Variants in ANKRD6 observed in about 807,000 individuals in gnomAD.
The protein encoded by ANKRD6 is ankyrin repeat domain 6.
ANKRD6 carries 56 observed loss-of-function variants against 82.3 expected under a neutral mutation model. The ratio of observed to expected loss-of-function variants is 0.68; its 90% CI spans 0.55 to 0.85. The LOEUF is 0.85. Among genes scored for constraint, ANKRD6 ranks in the 40% least tolerant of loss-of-function variants. The pLI is 0.00. For synonymous variants in ANKRD6, 347 were observed against 352.1 expected, an observed-to-expected ratio of 0.99 and a Z score of 0.16; for missense variants, 852 against 907.6, an observed-to-expected ratio of 0.94 and a Z score of 0.79.
At chr6:89,492,451 G>A (rs1341760307) in intron 1 of ANKRD6, among the ~76,000 whole-genome samples, 1 of 152,186 alleles carries the variant, frequency 6.6e-6, no homozygotes, top group Non-Finnish European at 1.5e-5. Flanking sequence ...CCAGGTGGCT[G>A]TACTTGTGTG....
intron 9 of ANKRD6, 40 bp from the exon 10 acceptor site, chr6:89,621,882 G>C: frequency 6.3e-7 from 1 of 1,579,362 alleles, no homozygotes. Context: ...CAGATGCTGC[G>C]CACACCAGTG....
chr6:89,557,565 A>T (rs948308662), intron 1 of ANKRD6, among the ~76,000 whole-genome samples: 1 of 152,172 alleles, frequency 6.6e-6, no homozygotes, highest in Non-Finnish European at 1.5e-5. Flanking sequence ...CAATTACGTC[A>T]ATGTAAAACC....
chr6:89,617,892 TG>T, intron 8 of ANKRD6, 61 bp from the exon 9 acceptor site: 1 of 1,518,364 alleles, frequency 6.6e-7, no homozygotes, highest in Non-Finnish European at 9.1e-7. Context: ...CTGTGCCAGC[TG>T]GGCTATGTGC....
intron 1 of ANKRD6, among the ~76,000 whole-genome samples, chr6:89,561,957 C>T (rs568120581): frequency 5.9e-5 from 9 of 152,242 alleles, no homozygotes; most frequent in East Asian, 1.9e-4. Flanking sequence ...TGCTTTAGGA[C>T]GGCAGGTGGT....
intron 2 of ANKRD6, among the ~76,000 whole-genome samples, chr6:89,571,090 C>T (rs573384687): frequency 4.6e-5 from 7 of 152,140 alleles, no homozygotes; most frequent in African/African-American, 9.7e-5. Flanking sequence ...CTCGCTCTGT[C>T]GCCCAGGCTG....
intron 9 of ANKRD6, 88 bp downstream of exon 9, chr6:89,618,119 C>A: frequency 7.2e-7 from 1 of 1,385,962 alleles, no homozygotes; most frequent in Non-Finnish European, 1.0e-6. Context: ...GAAGCCTCTT[C>A]AAACTAACTT....
intron 1 of ANKRD6, among the ~76,000 whole-genome samples, chr6:89,454,230 G>T (rs1418079423): frequency 6.6e-6 from 1 of 152,088 alleles, no homozygotes; most frequent in Non-Finnish European, 1.5e-5. Flanking sequence ...TAGAGTCTTC[G>T]CATGGTGGTG....
chr6:89,561,328 T>G (rs1787381778), intron 1 of ANKRD6: 1 of 152,216 alleles, frequency 6.6e-6, no homozygotes, highest in Admixed American at 6.5e-5. Context: ...TGTTTCTTTG[T>G]GACAGTGGGG....
intron 1 of ANKRD6, among the ~76,000 whole-genome samples, chr6:89,520,588 G>T (rs1781772482): frequency 6.6e-6 from 1 of 152,240 alleles, no homozygotes; most frequent in Admixed American, 6.5e-5. Context: ...GTGGTGTTCA[G>T]ATGGCCAGAT....
chr6:89,544,837 G>C (rs1046998837), intron 1 of ANKRD6, among the ~76,000 whole-genome samples: 2 of 152,206 alleles, frequency 1.3e-5, no homozygotes, highest in Non-Finnish European at 2.9e-5. Flanking sequence ...AGGACGGGAA[G>C]CATCATCTTA....
chr6:89,616,902 C>T (rs1452683408), intron 8 of ANKRD6: 2 of 637,668 alleles, frequency 3.1e-6, no homozygotes, highest in Admixed American at 2.1e-5. Context: ...CACAACCTGG[C>T]ATGAAAAAGA....
intron 1 of ANKRD6, among the ~76,000 whole-genome samples, chr6:89,521,331 G>A (rs753153251): frequency 5.3e-5 from 8 of 152,136 alleles, no homozygotes; most frequent in Non-Finnish European, 1.2e-4. Context: ...CTCTGGGGAG[G>A]TGTCATCTAG....
intron 1 of ANKRD6, among the ~76,000 whole-genome samples, chr6:89,464,490 G>C (rs1044053954): frequency 6.6e-6 from 1 of 152,120 alleles, no homozygotes; most frequent in African/African-American, 2.4e-5. Flanking sequence ...ATATCTGTCA[G>C]GCCTTTGTTT....
chr6:89,494,118 C>A (rs902111122), intron 1 of ANKRD6, among the ~76,000 whole-genome samples: 1 of 151,858 alleles, frequency 6.6e-6, no homozygotes, highest in East Asian at 1.9e-4. Flanking sequence ...GAGTTTGAGA[C>A]CAGCCTGAGC....
chr6:89,617,653 C>T (rs1406481682), intron 8 of ANKRD6, among the ~76,000 whole-genome samples: 1 of 152,224 alleles, frequency 6.6e-6, no homozygotes, highest in African/African-American at 2.4e-5. Context: ...GGAAGCACTC[C>T]TTGGTGGGTG....
At chr6:89,568,465 G>C (rs376769803) in intron 2 of ANKRD6, among the ~76,000 whole-genome samples, 2 of 151,860 alleles carry the variant, frequency 1.3e-5, no homozygotes, top group Non-Finnish European at 2.9e-5. Flanking sequence ...TATAATTTAC[G>C]TTCATTAAAT....
intron 1 of ANKRD6, among the ~76,000 whole-genome samples, chr6:89,540,784 A>G (rs1275297189): frequency 6.6e-6 from 1 of 152,190 alleles, no homozygotes; most frequent in Non-Finnish European, 1.5e-5. Context: ...TCTTTAATCC[A>G]TTTTGATATG....
chr6:89,517,387 A>C (rs1562698725), intron 1 of ANKRD6, among the ~76,000 whole-genome samples: 2 of 152,238 alleles, frequency 1.3e-5, no homozygotes, highest in Non-Finnish European at 2.9e-5. Flanking sequence ...GTAATTTTTA[A>C]TACATTGTGA....
rs1043717621 is a variant in ANKRD6 at position 89,552,302 on chromosome 6, A to AT, written c.-143-14532_-143-14531insT. 2.3e-4 allele frequency among the ~76,000 whole-genome samples: 35 copies of AT among 152,304 alleles called. 1 individual carries two copies. In the Middle Eastern group the frequency reaches 0.01, roughly 44 times the overall value. ...GTTAGAGTGCTTCTTCCTGCCATGG[A>AT]CTGCACATGCACATGGCTAATCATC... On this transcript the variant is annotated intron_variant, in intron 1 of 15. Transcript: ENST00000339746.
Sources: gnomAD v4.1 joint callset for allele counts (sites outside exome capture counted in the v4.1 genomes callset) on GRCh38, gnomAD v4.1.1 for gene constraint, MANE v1.5 for transcripts, NCBI Gene and HGNC (gene_info 2026-07-23, HGNC 2026-07-21) for gene names.